Variants in LPP observed in about 807,000 individuals in gnomAD.
LPP encodes lipoma-preferred partner.
A neutral mutation model predicts 60.4 loss-of-function variants in LPP; 38 were observed. The ratio of observed to expected loss-of-function variants is 0.63; its 90% CI spans 0.49 to 0.83. LPP has a LOEUF of 0.83. LPP is among the 40% of genes least tolerant of loss of function. The probability of loss-of-function intolerance (pLI) is 0.00; values close to 1 mark genes in which losing one functional copy is unlikely to be tolerated. For missense variants in LPP, 902 were observed against 783.6 expected, an observed-to-expected ratio of 1.15 and a Z score of -1.80; for synonymous variants, 328 against 290.8, an observed-to-expected ratio of 1.13 and a Z score of -1.30.
chr3:188,761,267 A>C (rs1732243238), intron 9 of LPP, among the ~76,000 whole-genome samples: 1 of 152,188 alleles, frequency 6.6e-6, no homozygotes, highest in South Asian at 2.1e-4. Flanking sequence ...ACATTTATTG[A>C]AGACGTTTTT....
rs1762153054 is a variant in LPP at position 188,849,054 on chromosome 3, T to C, written c.1411-17146T>C. ...AATTAAATAATTAAACAATGCTTGC[T>C]TCTCTCCCACTGAAGGAGGTAGAAG... On this transcript the variant is annotated intron_variant, in intron 9 of 11. Coordinates refer to ENST00000617246, the MANE Select transcript of LPP (RefSeq NM_001375462.1). 2.0e-5 allele frequency among the ~76,000 whole-genome samples: 3 copies of C among 152,158 alleles called. No individual in the cohort carries two copies. In the South Asian group the frequency reaches 6.2e-4, roughly 32 times the overall value.
chr3:188,606,974 T>G (rs1842498997), intron 6 of LPP, among the ~76,000 whole-genome samples: 1 of 152,170 alleles, frequency 6.6e-6, no homozygotes, highest in Admixed American at 6.6e-5. Flanking sequence ...CTGTAAAGTC[T>G]GCCCCAAGAA....
chr3:188,594,992 C>T (rs1363204041), intron 6 of LPP, among the ~76,000 whole-genome samples: 1 of 152,074 alleles, frequency 6.6e-6, no homozygotes, highest in Non-Finnish European at 1.5e-5. Flanking sequence ...ATTACCTCTA[C>T]AGTTCCTGAT....
At chr3:188,297,898 TGTA>T (rs1748477003) in intron 2 of LPP, among the ~76,000 whole-genome samples, 1 of 152,202 alleles carries the variant, frequency 6.6e-6, no homozygotes, top group Non-Finnish European at 1.5e-5. Flanking sequence ...GTCATAGAAA[TGTA>T]GTAGCCATGA....
chr3:188,629,322 C>T (rs1244610604), intron 7 of LPP, among the ~76,000 whole-genome samples: 1 of 152,024 alleles, frequency 6.6e-6, no homozygotes, highest in Non-Finnish European at 1.5e-5. Flanking sequence ...CTAGAAAACC[C>T]CATAGACTCT....
chr3:188,708,856 G>T (rs1031240655), intron 8 of LPP: 8 of 182,998 alleles, frequency 4.4e-5, no homozygotes, highest in Admixed American at 1.2e-4. Context: ...CTGGACAACA[G>T]AGTGAGACCC....
At chr3:188,373,375 C>T (rs1431911388) in intron 3 of LPP, among the ~76,000 whole-genome samples, 3 of 152,168 alleles carry the variant, frequency 2.0e-5, no homozygotes, top group South Asian at 2.1e-4. Flanking sequence ...CCTGTTGTTT[C>T]CTGACTTTTT....
At chr3:188,387,525 T>C (rs1419035556) in intron 3 of LPP, among the ~76,000 whole-genome samples, 1 of 152,000 alleles carries the variant, frequency 6.6e-6, no homozygotes, top group Non-Finnish European at 1.5e-5. Context: ...AATAATCTTA[T>C]ATATGATGTC....
At chr3:188,622,757 C>T (rs1002192255) in intron 7 of LPP, among the ~76,000 whole-genome samples, 6 of 152,114 alleles carry the variant, frequency 3.9e-5, no homozygotes, top group Non-Finnish European at 8.8e-5. Context: ...GGGCCAGGCA[C>T]AGTGGCTCAC....
intron 8 of LPP, among the ~76,000 whole-genome samples, chr3:188,730,592 T>A (rs1277039455): frequency 6.6e-6 from 1 of 152,246 alleles, no homozygotes; most frequent in African/African-American, 2.4e-5. Context: ...TTCTTCCCTT[T>A]GTCATTCTCA....
At chr3:188,333,902 C>T (rs1760832217) in intron 2 of LPP, among the ~76,000 whole-genome samples, 1 of 152,158 alleles carries the variant, frequency 6.6e-6, no homozygotes, top group African/African-American at 2.4e-5. Flanking sequence ...ACTCTTCTAG[C>T]TACTTGAAAA....
intron 1 of LPP, among the ~76,000 whole-genome samples, chr3:188,199,142 T>C (rs1192844396): frequency 1.3e-5 from 2 of 152,314 alleles, no homozygotes; most frequent in East Asian, 3.9e-4. Flanking sequence ...ACATGTGGTC[T>C]TTCCATGTGG....
chr3:188,857,049 G>A (rs1560300534), intron 9 of LPP, among the ~76,000 whole-genome samples: 1 of 152,200 alleles, frequency 6.6e-6, no homozygotes, highest in Non-Finnish European at 1.5e-5. Flanking sequence ...CTAGTGTGGG[G>A]TTGGGAGAAG....
intron 7 of LPP, among the ~76,000 whole-genome samples, chr3:188,657,281 T>TATATA (rs10529848): frequency 7.0e-6 from 1 of 143,576 alleles, no homozygotes; most frequent in Non-Finnish European, 1.5e-5. Context: ...TATATATATA[T>TATATA]TTCCAAAAGC....
intron 5 of LPP, among the ~76,000 whole-genome samples, chr3:188,496,048 A>G (rs1297000453): frequency 6.6e-6 from 1 of 152,156 alleles, no homozygotes; most frequent in African/African-American, 2.4e-5. Context: ...GGGTTAAGCT[A>G]TTATTATCAT....
chr3:188,486,412 G>A (rs896526251), intron 5 of LPP, among the ~76,000 whole-genome samples: 5 of 152,082 alleles, frequency 3.3e-5, no homozygotes, highest in South Asian at 4.2e-4. Context: ...AACAAGATAC[G>A]CACATTACAA....
intron 3 of LPP, among the ~76,000 whole-genome samples, chr3:188,347,598 C>T (rs77252339): frequency 0.058 from 8,760 of 152,052 alleles, 696 homozygotes; most frequent in African/African-American, 0.18. Flanking sequence ...TCCCGGCCTA[C>T]CCCCCCATTA....
At chr3:188,601,694 G>T (rs948497625) in intron 6 of LPP, among the ~76,000 whole-genome samples, 6 of 152,054 alleles carry the variant, frequency 3.9e-5, no homozygotes, top group African/African-American at 1.4e-4. Flanking sequence ...ACAATAACTT[G>T]CATTTAAAAA....
intron 3 of LPP, among the ~76,000 whole-genome samples, chr3:188,370,491 T>A (rs1451686376): frequency 6.6e-6 from 1 of 152,188 alleles, no homozygotes; most frequent in East Asian, 1.9e-4. Context: ...AGGTTTTCAG[T>A]TGTTGTTATC....
Sources: gnomAD v4.1 joint callset for allele counts (sites outside exome capture counted in the v4.1 genomes callset) on GRCh38, gnomAD v4.1.1 for gene constraint, MANE v1.5 for transcripts, NCBI Gene and HGNC (gene_info 2026-07-23, HGNC 2026-07-21) for gene names.